Variants in GPLD1 observed in about 807,000 individuals in gnomAD.
GPLD1 encodes phosphatidylinositol-glycan-specific phospholipase D.
Under a neutral mutation model 112.6 loss-of-function variants are expected in GPLD1, and 84 were observed. That is an observed-to-expected ratio of 0.75 (90% CI 0.63 to 0.89). The LOEUF is 0.89. Among genes scored for constraint, GPLD1 ranks in the 40% least tolerant of loss-of-function variants. The probability of loss-of-function intolerance (pLI) is 0.00; values close to 1 mark genes in which losing one functional copy is unlikely to be tolerated. For synonymous variants in GPLD1, 386 were observed against 403.8 expected (o/e 0.96, Z 0.53); for missense variants, 1,044 against 1,051.5 (o/e 0.99, Z 0.10).
intron 20 of GPLD1, among the ~76,000 whole-genome samples, chr6:24,439,059 A>T (rs1448222142): frequency 6.6e-6 from 1 of 152,228 alleles, no homozygotes; most frequent in Non-Finnish European, 1.5e-5. Flanking sequence ...CTGGGATTAC[A>T]GGTGCAAGCC....
chr6:24,433,447 A>C, intron 22 of GPLD1, 58 bp from the exon 23 acceptor site: 1 of 1,203,042 alleles, frequency 8.3e-7, no homozygotes, highest in Non-Finnish European at 1.2e-6. Flanking sequence ...GGCTTTTTAA[A>C]ATCAATTTTA....
chr6:24,489,635 C>T (rs113525284), upstream of GPLD1: 10 of 1,461,734 alleles, frequency 6.8e-6, 1 homozygote, highest in Middle Eastern at 2.2e-4. Context: ...ACCGAGGAAA[C>T]CAAGCCTCAT....
At chr6:24,435,124 G>A (rs959928988) in intron 22 of GPLD1, among the ~76,000 whole-genome samples, 2 of 150,092 alleles carry the variant, frequency 1.3e-5, no homozygotes, top group Non-Finnish European at 2.9e-5. Flanking sequence ...CCATTCTCCT[G>A]CCTCAGCCTC....
chr6:24,426,665 C>G lies in GPLD1; in HGVS notation c.*2367G>C, dbSNP rs183969393. On this transcript the variant is annotated 3_prime_UTR_variant, in exon 25 of 25. Transcript: ENST00000230036. The stretch of plus-strand genomic sequence containing the variant: ...ATCCGTCTAATGAAAAGACCCAGTA[C>G]TGAGAAAAACATCCCTTTACTCAAG... Among the ~76,000 whole-genome samples the G allele has an allele frequency of 1.2e-3, 181 of 148,588 alleles. No homozygotes were observed. The highest frequency in any genetic ancestry group is 3.7e-3 in the African/African-American group (150 of 40,458).
chr6:24,489,749 G>A, upstream of GPLD1: 4 of 550,488 alleles, frequency 7.3e-6, no homozygotes, highest in Non-Finnish European at 1.2e-5. Flanking sequence ...GGGTTGGGAG[G>A]ATAAACTGAA....
chr6:24,485,480 C>A (rs1415212485), intron 2 of GPLD1, among the ~76,000 whole-genome samples: 1 of 136,938 alleles, frequency 7.3e-6, no homozygotes, highest in Non-Finnish European at 1.7e-5. Flanking sequence ...TAAAAAATTT[C>A]TCAAGTATTT....
chr6:24,479,467 G>T (rs1434086166), intron 3 of GPLD1, among the ~76,000 whole-genome samples: 8 of 152,188 alleles, frequency 5.3e-5, no homozygotes, highest in African/African-American at 1.9e-4. Flanking sequence ...GGACAATCCA[G>T]TCTAGGCAGG....
In GPLD1 at chr6:24,495,126, C is replaced by G. The variant is rs185042766; in HGVS notation, n.80G>C. Reference sequence around the variant, plus strand: ...CGGGCCTGCGCCCGGCCCGGCCCAGCTCCGCTGCTACGCTGGGCGCCTGGC... The same window carrying G: ...CGGGCCTGCGCCCGGCCCGGCCCAGGTCCGCTGCTACGCTGGGCGCCTGGC... On this transcript the variant is annotated non_coding_transcript_exon_variant, in exon 1 of 11. Coordinates refer to the GPLD1 transcript ENST00000474784. The G allele has an allele frequency of 4.8e-4, 659 of 1,382,708 alleles. 3 individuals are homozygous for G. The African/African-American group carries it at 8.7e-3, about 18-fold the overall frequency. The allele number at this position is 1,382,708 out of a possible 1,614,324, so 85.7% of individuals were successfully genotyped here. A position where few individuals can be genotyped will look rare whatever the true frequency, so the allele number is the denominator to read the frequency against.
chr6:24,461,406 T>C (rs966957043), intron 11 of GPLD1, among the ~76,000 whole-genome samples: 3 of 152,224 alleles, frequency 2.0e-5, no homozygotes, highest in Non-Finnish European at 2.9e-5. Flanking sequence ...ACTTTCTGTG[T>C]AATTTTCATT....
intron 24 of GPLD1, among the ~76,000 whole-genome samples, chr6:24,432,980 C>CGTGG (rs1259932298): frequency 6.6e-6 from 1 of 152,218 alleles, no homozygotes; most frequent in Non-Finnish European, 1.5e-5. Flanking sequence ...TTGGCCCCAA[C>CGTGG]CCCTGCTGTA....
chr6:24,440,580 T>C (rs1371897907), intron 20 of GPLD1, among the ~76,000 whole-genome samples: 4 of 11,520 alleles, frequency 3.5e-4, no homozygotes, highest in Admixed American at 2.0e-3. Flanking sequence ...TAAAAAATAC[T>C]CAAAAAAAAA....
Position 24,480,658 on chromosome 6 carries a change from T to TA in GPLD1, c.154-700dup, listed in dbSNP as rs10654733. On this transcript the variant is annotated intron_variant, in intron 2 of 24. Transcript: ENST00000230036. ...GACGTCCTTTGTGTTTTGGGAGGGC[T>TA]AAAAAAAGTGCTTTCCCTTTTTAAA... 5.4e-4 allele frequency among the ~76,000 whole-genome samples: 82 copies of TA among 151,974 alleles called. 1 individual carries two copies. Among genetic ancestry groups the TA allele is most frequent in the African/African-American group, 1.8e-3 (74 of 41,436 alleles).
Position 24,475,279 on chromosome 6 carries a change from A to G in GPLD1, c.331-48T>C, listed in dbSNP as rs1425389805. 3 of 926,398 alleles carry G rather than the reference A, an allele frequency of 3.2e-6. No homozygotes were observed. The African/African-American group carries it at 4.9e-5, about 15-fold the overall frequency. The allele number at this position is 926,398 out of a possible 1,614,324, so 57.4% of individuals were successfully genotyped here. ...TCATGTGTGTTTGGGTGATTTTATAATAACAATCCTATTAAAAGTTTTAAT... is the reference window on the plus strand; with the variant it reads ...TCATGTGTGTTTGGGTGATTTTATAGTAACAATCCTATTAAAAGTTTTAAT... On this transcript the variant is annotated intron_variant, in intron 4 of 24. Coordinates refer to ENST00000230036, the MANE Select transcript of GPLD1 (RefSeq NM_001503.4).
chr6:24,486,726 G>A (rs942847948), intron 1 of GPLD1, among the ~76,000 whole-genome samples: 1 of 152,114 alleles, frequency 6.6e-6, no homozygotes, highest in African/African-American at 2.4e-5. Flanking sequence ...GCTGAGGCAG[G>A]GGAATCACTT....
At chr6:24,464,961 G>A (rs1763550549) in intron 10 of GPLD1, among the ~76,000 whole-genome samples, 1 of 152,128 alleles carries the variant, frequency 6.6e-6, no homozygotes, top group Non-Finnish European at 1.5e-5. Context: ...GGGAGACAGA[G>A]GTGGGTGGAT....
chr6:24,470,394 C>T (rs1201409869), intron 7 of GPLD1, among the ~76,000 whole-genome samples: 1 of 152,156 alleles, frequency 6.6e-6, no homozygotes, highest in Non-Finnish European at 1.5e-5. Flanking sequence ...ATGTACCTAA[C>T]AATATATCTT....
At chr6:24,447,709 G>A (rs1161985479) in intron 17 of GPLD1, among the ~76,000 whole-genome samples, 168 bp downstream of exon 17, 1 of 152,108 alleles carries the variant, frequency 6.6e-6, no homozygotes, top group African/African-American at 2.4e-5. Flanking sequence ...TATTTTCAGT[G>A]AATCTATGCA....
chr6:24,471,096 G>A (rs1348881763), intron 7 of GPLD1, among the ~76,000 whole-genome samples: 1 of 152,160 alleles, frequency 6.6e-6, no homozygotes, highest in Non-Finnish European at 1.5e-5. Flanking sequence ...CAGAGCCCAA[G>A]ACTTATTATA....
At chr6:24,468,365 T>C (rs1340315072) in intron 7 of GPLD1, among the ~76,000 whole-genome samples, 1 of 152,216 alleles carries the variant, frequency 6.6e-6, no homozygotes, top group Non-Finnish European at 1.5e-5. Flanking sequence ...TTGCTTCCTT[T>C]GCCTAATTGT....
Sources: gnomAD v4.1 joint callset for allele counts (sites outside exome capture counted in the v4.1 genomes callset) on GRCh38, gnomAD v4.1.1 for gene constraint, MANE v1.5 for transcripts, NCBI Gene and HGNC (gene_info 2026-07-23, HGNC 2026-07-21) for gene names.